Variants in ATL2 observed in about 807,000 individuals in gnomAD.
ATL2 encodes the protein atlastin GTPase 2, also known as atlastin-2.
In ATL2, 31 loss-of-function variants were observed where a neutral mutation model predicts 73.9. The observed-to-expected ratio is 0.42, with a 90% confidence interval of 0.32 to 0.57. The LOEUF is 0.57. Ranked by LOEUF, ATL2 falls within the 20% of genes least tolerant of loss-of-function variation. The pLI, the probability that ATL2 is intolerant of heterozygous loss-of-function variation, is 0.14. For synonymous variants in ATL2, 291 were observed against 237.5 expected (o/e 1.23, Z -2.07); for missense variants, 738 against 702.6 (o/e 1.05, Z -0.57).
intron 1 of ATL2, among the ~76,000 whole-genome samples, chr2:38,351,420 T>C (rs1487399338): frequency 6.6e-6 from 1 of 152,174 alleles, no homozygotes; most frequent in African/African-American, 2.4e-5. Context: ...AACAGTTATT[T>C]TAGCCATATA....
chr2:38,307,402 G>A (rs1667510385), intron 9 of ATL2, among the ~76,000 whole-genome samples: 1 of 150,592 alleles, frequency 6.6e-6, no homozygotes, highest in African/African-American at 2.5e-5. Context: ...CCAGGCTGAG[G>A]CCAGGCGAAT....
chr2:38,333,270 C>G (rs1056381180), intron 2 of ATL2, among the ~76,000 whole-genome samples: 1 of 152,056 alleles, frequency 6.6e-6, no homozygotes, highest in Non-Finnish European at 1.5e-5. Context: ...GCCTGGGCAA[C>G]AGAGCGAGAC....
intron 1 of ATL2, among the ~76,000 whole-genome samples, chr2:38,365,620 C>A (rs1188789857): frequency 6.6e-6 from 1 of 152,132 alleles, no homozygotes; most frequent in Non-Finnish European, 1.5e-5. Context: ...GAAACCCCAT[C>A]TCTACTAAAA....
chr2:38,370,359 G>C (rs1671607214), intron 1 of ATL2, among the ~76,000 whole-genome samples: 1 of 138,560 alleles, frequency 7.2e-6, no homozygotes, highest in South Asian at 2.3e-4. Flanking sequence ...TAAGGCAAGA[G>C]AATCACTTGA....
At chr2:38,334,134 G>A (rs1669166099) in intron 2 of ATL2, among the ~76,000 whole-genome samples, 1 of 149,278 alleles carries the variant, frequency 6.7e-6, no homozygotes, top group Non-Finnish European at 1.5e-5. Flanking sequence ...GGTTCAAGAG[G>A]TTCTCCTGCC....
intron 9 of ATL2, among the ~76,000 whole-genome samples, chr2:38,302,865 C>A (rs546092980): frequency 6.6e-6 from 1 of 152,160 alleles, no homozygotes; most frequent in African/African-American, 2.4e-5. Context: ...TACAAACAAG[C>A]CCAGACTGCA....
At chr2:38,300,408 T>C (rs1012331063) in intron 9 of ATL2, 80 bp from the exon 10 acceptor site, 2 of 969,190 alleles carry the variant, frequency 2.1e-6, no homozygotes, top group Non-Finnish European at 3.2e-6. Context: ...AGTCATTAAA[T>C]ATAAAAATAA....
chr2:38,361,235 T>C (rs889477927), intron 1 of ATL2, among the ~76,000 whole-genome samples: 2 of 150,440 alleles, frequency 1.3e-5, no homozygotes, highest in Non-Finnish European at 2.9e-5. Flanking sequence ...ACACCTGTAG[T>C]CCCAGCTACT....
chr2:38,326,225 A>G (rs764600285), intron 2 of ATL2, among the ~76,000 whole-genome samples: 1 of 152,256 alleles, frequency 6.6e-6, no homozygotes, highest in Admixed American at 6.5e-5. Flanking sequence ...GAGTTCAATA[A>G]AAGTTCTTGG....
chr2:38,301,968 C>CT (rs1232769012), intron 9 of ATL2, among the ~76,000 whole-genome samples: 2 of 152,174 alleles, frequency 1.3e-5, no homozygotes, highest in Non-Finnish European at 2.9e-5. Context: ...GTAAAGAGGA[C>CT]TTTGTCTTGC....
At chr2:38,360,978 TAA>T (rs2124467683) in intron 1 of ATL2, among the ~76,000 whole-genome samples, 1 of 151,248 alleles carries the variant, frequency 6.6e-6, no homozygotes, top group African/African-American at 2.4e-5. Context: ...AAATAAAAAA[TAA>T]GTCAGAGAAT....
chr2:38,301,524 A>T (rs1667191144), intron 9 of ATL2, among the ~76,000 whole-genome samples: 1 of 152,148 alleles, frequency 6.6e-6, no homozygotes. Flanking sequence ...CCCCTCCCCC[A>T]TCCTCTCAGC....
At chr2:38,314,445 A>G (rs1667920410) in intron 6 of ATL2, among the ~76,000 whole-genome samples, 163 bp downstream of exon 6, 2 of 148,922 alleles carry the variant, frequency 1.3e-5, no homozygotes, top group African/African-American at 2.5e-5. Context: ...TCGCCTACTG[A>G]TAAGTATGCT....
intron 1 of ATL2, among the ~76,000 whole-genome samples, chr2:38,364,697 G>A (rs936268949): frequency 1.3e-5 from 2 of 152,194 alleles, no homozygotes; most frequent in Non-Finnish European, 2.9e-5. Context: ...CGAAAACACA[G>A]AAGGTTTCCT....
At chr2:38,351,557 G>T (rs922781499) in intron 1 of ATL2, among the ~76,000 whole-genome samples, 3 of 150,512 alleles carry the variant, frequency 2.0e-5, no homozygotes, top group Non-Finnish European at 4.4e-5. Context: ...GCAGTGGCAC[G>T]ATCTCGGCTC....
intron 1 of ATL2, among the ~76,000 whole-genome samples, chr2:38,347,160 A>G (rs184472405): frequency 6.6e-6 from 1 of 152,324 alleles, no homozygotes; most frequent in East Asian, 1.9e-4. Context: ...AGACAAACAA[A>G]AGAAGAAAGC....
chr2:38,305,606 A>AT (rs776451011), intron 9 of ATL2, among the ~76,000 whole-genome samples: 39 of 152,312 alleles, frequency 2.6e-4, no homozygotes, highest in Admixed American at 4.6e-4. Context: ...CCACAATGGA[A>AT]TAAAATCAAT....
intron 12 of ATL2, 106 bp downstream of exon 12, chr2:38,298,038 T>C: frequency 9.8e-7 from 1 of 1,021,816 alleles, no homozygotes. Flanking sequence ...GACATCCTTT[T>C]GACATTCCTC....
chr2:38,349,747 A>G (rs887432452), intron 1 of ATL2, among the ~76,000 whole-genome samples: 3 of 152,152 alleles, frequency 2.0e-5, no homozygotes, highest in South Asian at 2.1e-4. Flanking sequence ...AAATTCACCT[A>G]TATTAGTTGG....
Sources: allele counts gnomAD v4.1 joint callset (sites outside exome capture counted in the v4.1 genomes callset), GRCh38; gene constraint gnomAD v4.1.1; transcripts MANE v1.5; gene names NCBI Gene and HGNC (gene_info 2026-07-23, HGNC 2026-07-21).